Variants in TAFA1 observed in about 807,000 individuals in gnomAD.
The protein encoded by TAFA1 is chemokine-like protein TAFA-1.
In TAFA1, 4 loss-of-function variants were observed where a neutral mutation model predicts 18.5. The observed-to-expected ratio is 0.22, with a 90% CI of 0.11 to 0.49. The LOEUF (loss-of-function observed/expected upper bound fraction) is 0.49, where lower values mean the gene tolerates loss of function less well. Among genes scored for constraint, TAFA1 ranks in the 20% least tolerant of loss-of-function variants. The pLI, the probability that TAFA1 is intolerant of heterozygous loss-of-function variation, is 0.98. For synonymous variants in TAFA1, 56 were observed against 55.2 expected (o/e 1.01, Z -0.06); for missense variants, 147 against 169.0 (o/e 0.87, Z 0.72).
chr3:68,394,256 A>G (rs2070329453), intron 2 of TAFA1, among the ~76,000 whole-genome samples: 1 of 152,178 alleles, frequency 6.6e-6, no homozygotes, highest in Non-Finnish European at 1.5e-5. Context: ...TGTGTGAAAG[A>G]CTTCTTCAGG....
chr3:68,487,796 T>C (rs2072373940), intron 3 of TAFA1, among the ~76,000 whole-genome samples: 1 of 131,878 alleles, frequency 7.6e-6, no homozygotes, highest in South Asian at 2.5e-4. Flanking sequence ...TGTTAAACTG[T>C]TCTCTGTACC....
At chr3:68,016,066 T>A (rs939465329) in intron 2 of TAFA1, among the ~76,000 whole-genome samples, 1 of 152,218 alleles carries the variant, frequency 6.6e-6, no homozygotes, top group Non-Finnish European at 1.5e-5. Flanking sequence ...CCTTGTTTTT[T>A]AATTATAAAT....
chr3:68,333,303 C>T (rs2068912663), intron 2 of TAFA1, among the ~76,000 whole-genome samples: 1 of 152,196 alleles, frequency 6.6e-6, no homozygotes, highest in Non-Finnish European at 1.5e-5. Context: ...CCATGGAATA[C>T]TACTGCACGT....
Position 68,354,798 on chromosome 3 carries a change from C to T in TAFA1, c.119-62482C>T, listed in dbSNP as rs144749497. 3.8e-3 allele frequency among the ~76,000 whole-genome samples: 585 copies of T among 151,952 alleles called. 6 individuals are homozygous for T. The highest frequency in any genetic ancestry group is 0.013 in the African/African-American group (547 of 41,474). On this transcript the variant is annotated intron_variant, in intron 2 of 4. Coordinates refer to ENST00000478136, the MANE Select transcript of TAFA1 (RefSeq NM_213609.4). ...TGTCCTCCAGAGGGGATGAATGCTG[C>T]GTCTTCACATGATGAAAGGGATGGA...
chr3:68,424,775 C>T (rs1337277932), intron 3 of TAFA1, among the ~76,000 whole-genome samples: 1 of 151,972 alleles, frequency 6.6e-6, no homozygotes, highest in Non-Finnish European at 1.5e-5. Flanking sequence ...GTATTAAAGG[C>T]TCTGAGAAAT....
intron 2 of TAFA1, among the ~76,000 whole-genome samples, chr3:68,072,010 C>A (rs796928041): frequency 2.0e-5 from 3 of 152,250 alleles, no homozygotes; most frequent in African/African-American, 7.2e-5. Flanking sequence ...ACTATATCAC[C>A]ATCTATAAAA....
At chr3:68,491,672 C>A (rs2072456439) in intron 3 of TAFA1, among the ~76,000 whole-genome samples, 1 of 147,550 alleles carries the variant, frequency 6.8e-6, no homozygotes, top group South Asian at 2.1e-4. Flanking sequence ...CACATGTACC[C>A]TAAAACTTAA....
intron 3 of TAFA1, among the ~76,000 whole-genome samples, chr3:68,521,584 T>C (rs2073021914): frequency 6.6e-6 from 1 of 152,158 alleles, no homozygotes; most frequent in Non-Finnish European, 1.5e-5. Context: ...GACTTAAGTT[T>C]GGTTTAGTGT....
intron 2 of TAFA1, among the ~76,000 whole-genome samples, chr3:68,319,529 T>G (rs1223045522): frequency 6.6e-6 from 1 of 152,228 alleles, no homozygotes; most frequent in Non-Finnish European, 1.5e-5. Context: ...ATATCAATAC[T>G]GCAAAGTTGA....
intron 3 of TAFA1, among the ~76,000 whole-genome samples, chr3:68,487,522 C>A (rs981958230): frequency 1.3e-5 from 2 of 151,742 alleles, no homozygotes; most frequent in African/African-American, 2.4e-5. Context: ...CCGAGGCGGG[C>A]GGATCACAAG....
intron 2 of TAFA1, among the ~76,000 whole-genome samples, chr3:68,034,168 A>C (rs533662329): frequency 2.6e-5 from 4 of 152,286 alleles, no homozygotes; most frequent in African/African-American, 7.2e-5. Context: ...AGTACCTTGG[A>C]CTTGTGAAAG....
intron 2 of TAFA1, among the ~76,000 whole-genome samples, chr3:68,093,418 AAAACTTCCCT>A (rs2065050980): frequency 6.6e-6 from 1 of 152,136 alleles, no homozygotes; most frequent in South Asian, 2.1e-4. Flanking sequence ...GAAGACCTTA[AAAACTTCCCT>A]AGCACACCCA....
At chr3:68,201,032 C>A (rs887493536) in intron 2 of TAFA1, among the ~76,000 whole-genome samples, 6 of 151,546 alleles carry the variant, frequency 4.0e-5, no homozygotes, top group Non-Finnish European at 8.9e-5. Context: ...CTTATGTCTG[C>A]TTTGACTGTA....
intron 2 of TAFA1, among the ~76,000 whole-genome samples, chr3:68,099,388 A>G (rs1488944466): frequency 6.6e-6 from 1 of 152,216 alleles, no homozygotes; most frequent in Non-Finnish European, 1.5e-5. Flanking sequence ...AATTGTCAAC[A>G]AATATATGAA....
At chr3:68,541,769 G>A (rs189164315) in intron 4 of TAFA1, among the ~76,000 whole-genome samples, 2 of 152,238 alleles carry the variant, frequency 1.3e-5, no homozygotes, top group South Asian at 2.1e-4. Context: ...CCAGGGAAAG[G>A]TTCCTGGGAC....
chr3:68,325,332 G>GC (rs1346301610), intron 2 of TAFA1, among the ~76,000 whole-genome samples: 2 of 152,062 alleles, frequency 1.3e-5, no homozygotes, highest in Non-Finnish European at 2.9e-5. Flanking sequence ...TTAATTCTTA[G>GC]CCCCCCAAAT....
At chr3:68,206,336 A>T (rs2066526083) in intron 2 of TAFA1, among the ~76,000 whole-genome samples, 2 of 151,904 alleles carry the variant, frequency 1.3e-5, no homozygotes, top group South Asian at 4.1e-4. Flanking sequence ...GCATGTTGAC[A>T]GCCTTAAAAT....
intron 3 of TAFA1, among the ~76,000 whole-genome samples, chr3:68,421,773 A>T (rs1363632095): frequency 6.6e-6 from 1 of 152,102 alleles, no homozygotes; most frequent in African/African-American, 2.4e-5. Context: ...GGCTCACTAA[A>T]TGATAATATC....
intron 2 of TAFA1, among the ~76,000 whole-genome samples, chr3:68,064,821 C>G (rs1188498737): frequency 1.3e-5 from 2 of 151,866 alleles, no homozygotes; most frequent in African/African-American, 4.8e-5. Context: ...TTAATAAGAT[C>G]AGCAAAGATG....
Sources: allele counts gnomAD v4.1 joint callset (sites outside exome capture counted in the v4.1 genomes callset), GRCh38; gene constraint gnomAD v4.1.1; transcripts MANE v1.5; gene names NCBI Gene and HGNC (gene_info 2026-07-23, HGNC 2026-07-21).